The following CAP2 variants were observed in gnomAD, a reference collection of about 807,000 sequenced individuals.
CAP2 encodes the protein cyclase associated actin cytoskeleton regulatory protein 2.
Under a neutral mutation model 57.7 loss-of-function variants are expected in CAP2, and 24 were observed. The ratio of observed to expected loss-of-function variants is 0.42; its 90% CI spans 0.30 to 0.58. CAP2 has a LOEUF of 0.58. Among genes scored for constraint, CAP2 ranks in the 20% least tolerant of loss-of-function variants. CAP2 has a pLI of 0.22. For synonymous variants in CAP2, 194 were observed against 207.2 expected (o/e 0.94, Z 0.55); for missense variants, 501 against 590.3 (o/e 0.85, Z 1.57).
intron 3 of CAP2, among the ~76,000 whole-genome samples, chr6:17,427,456 G>A: frequency 6.6e-6 from 1 of 152,040 alleles, no homozygotes; most frequent in Non-Finnish European, 1.5e-5. Context: ...TGCGGCCTGA[G>A]GATATCACCT....
At chr6:17,544,281 T>C (rs995410413) in intron 11 of CAP2, among the ~76,000 whole-genome samples, 5 of 152,096 alleles carry the variant, frequency 3.3e-5, no homozygotes, top group African/African-American at 1.2e-4. Context: ...ACTGTGAGAC[T>C]CTCCTAGTAT....
rs957666194 is a variant in CAP2 at position 17,543,093 on chromosome 6, A to G, written c.1159A>G (p.Asn387Asp). 13 of 1,614,162 alleles carry G rather than the reference A, an allele frequency of 8.1e-6. No individual in the cohort carries two copies. Among genetic ancestry groups the G allele is most frequent in the South Asian group, 1.1e-5 (1 of 91,086 alleles). Residue 387 changes from asparagine (N) to aspartate (D), a missense_variant, in exon 11 of 13, where the codon AAT becomes GAT. Asn to Asp is a conservative substitution (Grantham distance 23). Coordinates refer to ENST00000229922, the MANE Select transcript of CAP2 (RefSeq NM_006366.3). ...TAAAAAACTCGGCCTGGTGTTTGAC[A>G]ATGTGGTGGGCATTGTGGAAGTGAT... ...NCKKLGLVFD[N>D]VVGIVEVINS...
At chr6:17,541,587 A>C (rs935246045) in intron 9 of CAP2, among the ~76,000 whole-genome samples, 1 of 152,146 alleles carries the variant, frequency 6.6e-6, no homozygotes, top group Non-Finnish European at 1.5e-5. Flanking sequence ...CTCAAAAAAA[A>C]AGAATGGGTA....
intron 7 of CAP2, among the ~76,000 whole-genome samples, chr6:17,524,663 A>G (rs943342060): frequency 5.3e-5 from 8 of 152,188 alleles, no homozygotes; most frequent in Admixed American, 5.2e-4. Flanking sequence ...CTTCCAGGTC[A>G]TTGCCATGGA....
At chr6:17,526,292 A>AT in intron 7 of CAP2, among the ~76,000 whole-genome samples, 1 of 151,938 alleles carries the variant, frequency 6.6e-6, no homozygotes, top group Admixed American at 6.6e-5. Context: ...TAATTTTTGT[A>AT]TTTTTAGTAG....
At chr6:17,454,323 C>T (rs1760497594) in intron 3 of CAP2, among the ~76,000 whole-genome samples, 1 of 151,842 alleles carries the variant, frequency 6.6e-6, no homozygotes, top group Admixed American at 6.6e-5. Flanking sequence ...TCCAGTTGTA[C>T]AGGGCTTTGG....
At chr6:17,430,783 C>T (rs1305842657) in intron 3 of CAP2, among the ~76,000 whole-genome samples, 3 of 152,256 alleles carry the variant, frequency 2.0e-5, no homozygotes, top group Non-Finnish European at 2.9e-5. Flanking sequence ...GTGATCCACC[C>T]GCCTCAGCCT....
At chr6:17,553,440 T>C (rs938652651) in intron 12 of CAP2, among the ~76,000 whole-genome samples, 1 of 152,092 alleles carries the variant, frequency 6.6e-6, no homozygotes, top group Non-Finnish European at 1.5e-5. Context: ...AAGACCATCC[T>C]GGCTAACACA....
intron 4 of CAP2, among the ~76,000 whole-genome samples, chr6:17,475,895 G>A (rs1338711878): frequency 6.6e-6 from 1 of 152,228 alleles, no homozygotes; most frequent in African/African-American, 2.4e-5. Flanking sequence ...TCCTGTCTCT[G>A]TGCAGATGGA....
At chr6:17,459,738 A>G (rs1760673816) in intron 3 of CAP2, among the ~76,000 whole-genome samples, 1 of 151,262 alleles carries the variant, frequency 6.6e-6, no homozygotes, top group South Asian at 2.1e-4. Context: ...TGTAAATTAG[A>G]AATGATAACA....
chr6:17,415,462 C>A (rs1759250379), intron 1 of CAP2, among the ~76,000 whole-genome samples: 2 of 152,238 alleles, frequency 1.3e-5, no homozygotes, highest in Admixed American at 1.3e-4. Flanking sequence ...ACTAATCTAG[C>A]ATCTTCTTTT....
At chr6:17,394,429 A>G (rs1454803910) in intron 1 of CAP2, among the ~76,000 whole-genome samples, 1 of 152,016 alleles carries the variant, frequency 6.6e-6, no homozygotes, top group Admixed American at 6.5e-5. Context: ...CAACCTGCAG[A>G]TGGCCTTTTC....
At chr6:17,501,069 T>C (rs2113648772) in intron 4 of CAP2, among the ~76,000 whole-genome samples, 1 of 152,326 alleles carries the variant, frequency 6.6e-6, no homozygotes, top group South Asian at 2.1e-4. Context: ...GTAATGCAAA[T>C]GTCATTACCT....
chr6:17,457,269 C>A lies in CAP2; in HGVS notation c.223-5727C>A, dbSNP rs577399954. On this transcript the variant is annotated intron_variant, in intron 3 of 12. Coordinates refer to ENST00000229922, the MANE Select transcript of CAP2 (RefSeq NM_006366.3). ...CTGAGCCCTGCACACATGTGATGGA[C>A]AAACTCAGCAAAACCCCTCGATTAT... 4.3e-4 allele frequency among the ~76,000 whole-genome samples: 66 copies of A among 152,346 alleles called. 1 individual carries two copies. The highest frequency in any genetic ancestry group is 9.1e-4 in the Non-Finnish European group (62 of 68,034).
At chr6:17,497,324 A>T (rs1761693055) in intron 4 of CAP2, among the ~76,000 whole-genome samples, 1 of 152,204 alleles carries the variant, frequency 6.6e-6, no homozygotes. Flanking sequence ...ATTATAGGTG[A>T]TTATAAAATT....
chr6:17,493,775 C>CA (rs10647199), intron 4 of CAP2, among the ~76,000 whole-genome samples: 10,194 of 103,394 alleles, frequency 0.099, 409 homozygotes, highest in Middle Eastern at 0.17. Context: ...GAGGAGGGGG[C>CA]AAAAAAAAAA....
At chr6:17,516,157 T>C (rs905113358) in intron 7 of CAP2, among the ~76,000 whole-genome samples, 1 of 152,236 alleles carries the variant, frequency 6.6e-6, no homozygotes, top group Non-Finnish European at 1.5e-5. Context: ...CTGGGTTGAC[T>C]GGCTCTGCTC....
intron 7 of CAP2, among the ~76,000 whole-genome samples, chr6:17,522,157 C>T (rs1762407511): frequency 6.6e-6 from 1 of 151,932 alleles, no homozygotes; most frequent in African/African-American, 2.4e-5. Context: ...GGCTCTCAGG[C>T]CCCACCTCAG....
intron 3 of CAP2, among the ~76,000 whole-genome samples, chr6:17,441,772 A>G (rs1760081707): frequency 6.6e-6 from 1 of 152,224 alleles, no homozygotes; most frequent in Admixed American, 6.5e-5. Flanking sequence ...GGAGCGAGCC[A>G]CGGTGCCTGG....
Sources: allele counts gnomAD v4.1 joint callset (sites outside exome capture counted in the v4.1 genomes callset), GRCh38; gene constraint gnomAD v4.1.1; transcripts MANE v1.5; gene names NCBI Gene and HGNC (gene_info 2026-07-23, HGNC 2026-07-21).